The following TTC21A variants were observed in gnomAD, a reference collection of about 807,000 sequenced individuals.
TTC21A encodes the protein tetratricopeptide repeat domain 21A, also known as tetratricopeptide repeat protein 21A.
Under a neutral mutation model 156.4 loss-of-function variants are expected in TTC21A, and 128 were observed. That is an observed-to-expected ratio of 0.82 (90% CI 0.71 to 0.95). The LOEUF is 0.95. Ranked by LOEUF, TTC21A falls within the 40% of genes least tolerant of loss-of-function variation. The probability of loss-of-function intolerance (pLI) is 0.00; values close to 1 mark genes in which losing one functional copy is unlikely to be tolerated. For missense variants in TTC21A, 1,435 were observed against 1,602.3 expected (o/e 0.90, Z 1.78); for synonymous variants, 587 against 617.1 (o/e 0.95, Z 0.72).
Position 39,129,008 on chromosome 3 carries a change from T to C in TTC21A, c.1897-64T>C, listed in dbSNP as rs1215254870. Reference sequence around the variant, plus strand: ...CAGGGTAGGCCCAGGAACCAGGTTCTTTGATTCCACCCACTGTTTACTTGT... The same window carrying C: ...CAGGGTAGGCCCAGGAACCAGGTTCCTTGATTCCACCCACTGTTTACTTGT... On this transcript the variant is annotated intron_variant, in intron 14 of 28. Transcript: ENST00000683103. 6 of 1,606,804 alleles carry C rather than the reference T, an allele frequency of 3.7e-6. No individual in the cohort carries two copies. In the African/African-American group the frequency reaches 8.0e-5, roughly 22 times the overall value.
At chr3:39,131,125 TCTGC>T in intron 19 of TTC21A, 30 bp downstream of exon 19, 1 of 1,561,174 alleles carries the variant, frequency 6.4e-7, no homozygotes, top group Non-Finnish European at 8.7e-7. Context: ...AAGCTCTTTA[TCTGC>T]CATCTGCTGA....
chr3:39,110,809 C>T, intron 3 of TTC21A, 42 bp from the exon 4 acceptor site: 2 of 1,610,084 alleles, frequency 1.2e-6, no homozygotes, highest in Non-Finnish European at 1.7e-6. Flanking sequence ...GGCAGACTTC[C>T]ACATCCTAAC....
At chr3:39,116,687 G>A (rs1279060365) in intron 6 of TTC21A, among the ~76,000 whole-genome samples, 1 of 152,034 alleles carries the variant, frequency 6.6e-6, no homozygotes, top group Admixed American at 6.6e-5. Flanking sequence ...CCAAGCAGGT[G>A]TCAAACTCCT....
In TTC21A at chr3:39,128,377, G is replaced by A. The variant is rs1012185472; in HGVS notation, c.1569G>A (p.Leu523=). Residue 523 remains leucine (L), a synonymous_variant, in exon 13 of 29, where the codon CTG becomes CTA. Coordinates refer to ENST00000683103, the MANE Select transcript of TTC21A (RefSeq NM_001366900.1). The part of the protein sequence containing the change: ...AQSILQRCLE[L]DPASVDAHLL... Reference sequence around the variant, plus strand: ...GCATCCTGCAGCGTTGCCTGGAGCTGGACCCCGCCTCCGTGGATGCCCATC... The same window carrying A: ...GCATCCTGCAGCGTTGCCTGGAGCTAGACCCCGCCTCCGTGGATGCCCATC... 6.2e-7 allele frequency: 1 copy of A among 1,614,206 alleles called. No individual in the cohort carries two copies. Among genetic ancestry groups the A allele is most frequent in the African/African-American group, 1.3e-5 (1 of 75,052 alleles).
At chr3:39,116,975 A>G (rs1189773158) in intron 6 of TTC21A, among the ~76,000 whole-genome samples, 2 of 152,126 alleles carry the variant, frequency 1.3e-5, no homozygotes, top group African/African-American at 2.4e-5. Context: ...CCAAAATGCT[A>G]GGATTACAGG....
intron 22 of TTC21A, 134 bp downstream of exon 22, chr3:39,135,308 G>A: frequency 2.6e-6 from 2 of 780,416 alleles, no homozygotes; most frequent in Non-Finnish European, 4.3e-6. Flanking sequence ...TTCCAGAGAA[G>A]CAGGAAACTG....
chr3:39,110,197 C>T, intron 3 of TTC21A, 58 bp downstream of exon 3: 1 of 1,330,292 alleles, frequency 7.5e-7, no homozygotes, highest in African/African-American at 1.4e-5. Context: ...AGCCCTGCCC[C>T]AGAGATAACA....
rs1213576469 is a variant in TTC21A, at chr3:39,126,489, C to T, written c.1522+99C>T. Reference sequence around the variant, plus strand: ...GCCTAGGATACTACACACACACACACACACACACACACACACACACACACA... The same window carrying T: ...GCCTAGGATACTACACACACACACATACACACACACACACACACACACACA... On this transcript the variant is annotated intron_variant, in intron 12 of 28. Coordinates refer to ENST00000683103, the MANE Select transcript of TTC21A (RefSeq NM_001366900.1). The T allele has an allele frequency of 6.2e-5, 54 of 871,018 alleles. No homozygotes were observed. In the Admixed American group the frequency reaches 1.1e-3, roughly 18 times the overall value. 54.0% of individuals were successfully genotyped at this position (871,018 alleles called of 1,614,324 possible).
intron 11 of TTC21A, 80 bp downstream of exon 11, chr3:39,125,612 A>G: frequency 9.3e-7 from 1 of 1,072,416 alleles, no homozygotes. Flanking sequence ...AGAGGCAAGG[A>G]CCTTACTTGG....
chr3:39,113,077 A>G (rs1352579130), intron 5 of TTC21A, among the ~76,000 whole-genome samples: 11 of 152,148 alleles, frequency 7.2e-5, no homozygotes, highest in Non-Finnish European at 1.5e-4. Flanking sequence ...TTTGAGAGAA[A>G]AAATGTCCTC....
chr3:39,120,887 C>T, intron 8 of TTC21A, 110 bp from the exon 9 acceptor site: 1 of 976,458 alleles, frequency 1.0e-6, no homozygotes, highest in Non-Finnish European at 1.5e-6. Flanking sequence ...TCTTGGCTCT[C>T]CTGGGCCTAC....
chr3:39,110,216 C>G (rs1170345180), intron 3 of TTC21A, 77 bp downstream of exon 3: 5 of 1,095,018 alleles, frequency 4.6e-6, no homozygotes, highest in Non-Finnish European at 5.5e-6. Context: ...CACAGCCCCT[C>G]AAGGGCTGCC....
rs1007784872 is a variant in TTC21A at position 39,130,639 on chromosome 3, A to G, written c.2320-62A>G. 4 of 1,594,250 alleles carry G rather than the reference A, an allele frequency of 2.5e-6. No homozygotes were observed. The African/African-American group carries it at 4.0e-5, about 16-fold the overall frequency. On this transcript the variant is annotated intron_variant, in intron 17 of 28. Transcript: ENST00000683103. This position sits in a 1 kb window ranked among gnomAD's most constrained non-coding sequence, Gnocchi z 4.5. ...TGGTGTGATGGCTGCTGAGGGGAAC[A>G]TGGTGTCGGGCACTGAAGGGCAGAA...
chr3:39,121,158 A>G lies in TTC21A; in HGVS notation c.1062A>G (p.Lys354=). The change falls in exon 9 of 29, where the codon AAA becomes AAG. Residue 354 remains lysine (K), a synonymous_variant. Coordinates refer to ENST00000683103, the MANE Select transcript of TTC21A (RefSeq NM_001366900.1). ...EALLWYSEAM[K]LDKDGMAGLT... is the part of the protein sequence containing the mutation. ...TGCTGTGGTATTCAGAAGCCATGAA[A>G]CTGGACAAGGATGGCATGGCTGGTT... The G allele has an allele frequency of 6.2e-7, 1 of 1,613,982 alleles. No individual in the cohort carries two copies. Among genetic ancestry groups the G allele is most frequent in the South Asian group, 1.1e-5 (1 of 91,076 alleles).
In TTC21A at chr3:39,129,185, C is replaced by T. The variant is rs765803590; in HGVS notation, c.2010C>T (p.Asp670=). ...TGGTCCTGAGCAAGGGCAATGTGGA[C>T]GTGGCGCTGAACATGCTAAGGAACA... ...VDLVLSKGNV[D]VALNMLRNIL... is the part of the protein sequence containing the mutation. Residue 670 remains aspartate (D), a synonymous_variant, in exon 15 of 29, where the codon GAC becomes GAT. Transcript: ENST00000683103. 6.2e-6 allele frequency: 10 copies of T among 1,614,182 alleles called. No individual in the cohort carries two copies. Among genetic ancestry groups the T allele is most frequent in the East Asian group, 4.5e-5 (2 of 44,886 alleles).
Position 39,138,393 on chromosome 3 carries a change from G to A in TTC21A, c.3796+6G>A, listed in dbSNP as rs1559724186. ...TCACGCCAACCCTGCCATTGGTAAG[G>A]CAACCAGCCAGGGTGCACGTGAATG... On this transcript the variant is annotated splice_donor_region_variant and intron_variant, in intron 27 of 28. Coordinates refer to ENST00000683103, the MANE Select transcript of TTC21A (RefSeq NM_001366900.1). 1 of 1,613,894 alleles carries A rather than the reference G, an allele frequency of 6.2e-7. No individual in the cohort carries two copies. Among genetic ancestry groups the A allele is most frequent in the Non-Finnish European group, 8.5e-7 (1 of 1,179,950 alleles).
Position 39,137,003 on chromosome 3 carries a change from A to C in TTC21A, c.3200A>C (p.Asn1067Thr), listed in dbSNP as rs373571823. ...TACCACATGGTGCAGATCTGTCTGA[A>C]TCCAGACAACGAGGTTGTGGGCGGA... ...AIYHMVQICL[N>T]PDNEVVGGEA... Residue 1067 changes from asparagine (N) to threonine (T), a missense_variant, in exon 24 of 29, where the codon AAT becomes ACT. Physicochemically the swap from Asn to Thr is moderately conservative, Grantham distance 65. Coordinates refer to ENST00000683103, the MANE Select transcript of TTC21A (RefSeq NM_001366900.1). 5.0e-6 allele frequency: 8 copies of C among 1,613,814 alleles called. No homozygotes were observed. The African/African-American group carries it at 5.3e-5, about 11-fold the overall frequency.
At chr3:39,135,033 C>A (rs1173950384) in intron 21 of TTC21A, 60 bp from the exon 22 acceptor site, 5 of 1,481,684 alleles carry the variant, frequency 3.4e-6, no homozygotes, top group African/African-American at 2.8e-5. Flanking sequence ...CCCGCCTCCC[C>A]CTACACCCAT....
At chr3:39,129,042 T>G (rs376212088) in intron 14 of TTC21A, 30 bp from the exon 15 acceptor site, 167 of 1,612,166 alleles carry the variant, frequency 1.0e-4, no homozygotes, top group Middle Eastern at 8.2e-4. Context: ...GTGCATCAAG[T>G]GAAGGGTCTG....
Sources: allele counts gnomAD v4.1 joint callset (sites outside exome capture counted in the v4.1 genomes callset), GRCh38; gene constraint gnomAD v4.1.1; non-coding constraint Gnocchi (gnomAD v3.1); transcripts MANE v1.5; gene names NCBI Gene and HGNC (gene_info 2026-07-23, HGNC 2026-07-21).